MAOB: variants seen among roughly 807,000 people sequenced by gnomAD.
The protein encoded by MAOB is monoamine oxidase B, also known as amine oxidase [flavin-containing] B.
A neutral mutation model predicts 41.9 loss-of-function variants in MAOB; 15 were observed. The ratio of observed to expected loss-of-function variants is 0.36; its 90% CI spans 0.24 to 0.55. The LOEUF is 0.55. Among genes scored for constraint, MAOB ranks in the 20% least tolerant of loss-of-function variants. MAOB has a pLI of 0.86. For missense variants in MAOB, 345 were observed against 398.7 expected (o/e 0.87, Z 1.15); for synonymous variants, 167 against 144.2 (o/e 1.16, Z -1.13).
intron 1 of MAOB, among the ~76,000 whole-genome samples, chrX:43,869,635 C>A (rs922422032): frequency 1.8e-5 from 2 of 111,955 alleles, no homozygotes; most frequent in African/African-American, 3.2e-5. Context: ...GTTGTAAAAC[C>A]AATAGCAGAT....
Position 43,766,810 on chromosome X carries a change from A to C in MAOB, c.*656T>G, listed in dbSNP as rs2034117717. ...TTTGAGAAGTGTAAGACAACTTAGC[A>C]CAGAGTAAACCCACACAACGGGACA... On this transcript the variant is annotated 3_prime_UTR_variant, in exon 15 of 15. Transcript: ENST00000378069. 2 of 112,034 alleles carry C rather than the reference A, an allele frequency of 1.8e-5. No homozygotes were observed. The highest frequency in any genetic ancestry group is 3.2e-5 in the African/African-American group (1 of 30,816). The allele number at this position is 112,034 out of a possible 1,213,427, so 9.2% of individuals were successfully genotyped here. A position where few individuals can be genotyped will look rare whatever the true frequency, so the allele number is the denominator to read the frequency against.
At chrX:43,803,984 G>A (rs1309376582) in intron 3 of MAOB, among the ~76,000 whole-genome samples, 1 of 111,455 alleles carries the variant, frequency 9.0e-6, no homozygotes, top group African/African-American at 3.3e-5. Context: ...TTCTAGACAT[G>A]TTATACCACC....
At chrX:43,832,249 C>T (rs1367860697) in intron 3 of MAOB, among the ~76,000 whole-genome samples, 1 of 112,223 alleles carries the variant, frequency 8.9e-6, no homozygotes, top group African/African-American at 3.2e-5. Context: ...TCATCAAGTA[C>T]AATCATCTGG....
chrX:43,818,462 G>T (rs1260549957), intron 3 of MAOB, among the ~76,000 whole-genome samples: 1 of 112,094 alleles, frequency 8.9e-6, no homozygotes, highest in Non-Finnish European at 1.9e-5. Context: ...CCCAGCTCCT[G>T]CTTCCTCTCA....
intron 1 of MAOB, among the ~76,000 whole-genome samples, chrX:43,852,833 A>G (rs780234501): frequency 6.3e-5 from 7 of 111,532 alleles, no homozygotes; most frequent in African/African-American, 2.3e-4. Flanking sequence ...TGTGGCTAAA[A>G]CTGGTGGTGG....
chrX:43,803,945 C>A (rs958527733), intron 3 of MAOB, among the ~76,000 whole-genome samples: 2 of 111,507 alleles, frequency 1.8e-5, no homozygotes, highest in Admixed American at 1.9e-4. Flanking sequence ...AAAGTCAAAG[C>A]AGAAAGATTA....
chrX:43,792,833 T>C (rs903891087), intron 8 of MAOB, among the ~76,000 whole-genome samples: 22 of 111,793 alleles, frequency 2.0e-4, no homozygotes, highest in African/African-American at 6.8e-4. Context: ...ATTAGGTATA[T>C]ACCCAAAGGA....
chrX:43,770,237 A>C (rs2034165498), intron 12 of MAOB, among the ~76,000 whole-genome samples: 2 of 111,124 alleles, frequency 1.8e-5, no homozygotes, highest in Non-Finnish European at 3.8e-5. Context: ...CTGATTCCCA[A>C]GCTCCAACTT....
intron 1 of MAOB, among the ~76,000 whole-genome samples, chrX:43,857,149 AGAGAGAGAGAGAGAGAAG>A (rs2035301229): frequency 1.6e-5 from 1 of 63,350 alleles, no homozygotes; most frequent in African/African-American, 6.7e-5. Flanking sequence ...AGAGAGAGAG[AGAGAGAGAGAGAGAGAAG>A]AAGAGAGAGA....
At chrX:43,830,718 A>T (rs764279409) in intron 3 of MAOB, among the ~76,000 whole-genome samples, 1 of 111,905 alleles carries the variant, frequency 8.9e-6, no homozygotes, top group Non-Finnish European at 1.9e-5. Context: ...TTACATTCTT[A>T]CTTGCTACTA....
At chrX:43,875,469 T>C (rs1362819873) in intron 1 of MAOB, among the ~76,000 whole-genome samples, 1 of 112,096 alleles carries the variant, frequency 8.9e-6, no homozygotes, top group Non-Finnish European at 1.9e-5. Flanking sequence ...TTTATACCAT[T>C]ATGGCCTCCT....
chrX:43,783,884 C>G (rs1163426786), intron 8 of MAOB, among the ~76,000 whole-genome samples: 1 of 112,195 alleles, frequency 8.9e-6, no homozygotes, highest in Non-Finnish European at 1.9e-5. Flanking sequence ...CCTCTCCAAC[C>G]CTGTCACTGC....
chrX:43,850,535 A>C (rs905791028), intron 1 of MAOB: 2 of 652,687 alleles, frequency 3.1e-6, no homozygotes, highest in African/African-American at 4.9e-5. Flanking sequence ...GAAAATCTAA[A>C]CAACACGTGA....
Position 43,778,726 on chromosome X carries a change from A to G in MAOB, c.1093T>C (p.Cys365Arg). 8.3e-7 allele frequency: 1 copy of G among 1,204,898 alleles called. No individual in the cohort carries two copies. Among genetic ancestry groups the G allele is most frequent in the Non-Finnish European group, 1.1e-6 (1 of 890,611 alleles). Residue 365 changes from cysteine (C) to arginine (R), a missense_variant, in exon 11 of 15, where the codon TGT becomes CGT. Cys to Arg is a radical substitution (Grantham distance 180). Coordinates refer to ENST00000378069, the MANE Select transcript of MAOB (RefSeq NM_000898.5). ...CCCAGAACCTTGGCATAGAGTTCAC[A>G]AAGTTTCTTCAACCTGTGAATGAAA... The part of the protein sequence containing the change: ...LTKEERLKKL[C>R]ELYAKVLGSL...
chrX:43,799,457 G>T (rs182852591), intron 5 of MAOB, among the ~76,000 whole-genome samples: 174 of 111,525 alleles, frequency 1.6e-3, no homozygotes, highest in African/African-American at 4.9e-3. Flanking sequence ...TGGCCCAGCT[G>T]GAGAGCCAAT....
intron 1 of MAOB, among the ~76,000 whole-genome samples, chrX:43,857,168 AAGAG>A (rs769153460): frequency 2.0e-3 from 49 of 24,850 alleles, no homozygotes; most frequent in Non-Finnish European, 2.5e-3. Flanking sequence ...GAGAGAGAAG[AAGAG>A]AGAGAGAGAG....
chrX:43,831,815 T>A (rs1254285105), intron 3 of MAOB, among the ~76,000 whole-genome samples: 1 of 111,439 alleles, frequency 9.0e-6, no homozygotes. Flanking sequence ...ATTTATTAAC[T>A]ATTAATTTTG....
intron 3 of MAOB, among the ~76,000 whole-genome samples, chrX:43,836,889 T>C (rs999133292): frequency 8.9e-6 from 1 of 112,537 alleles, no homozygotes; most frequent in Non-Finnish European, 1.9e-5. Flanking sequence ...TAACTGCACA[T>C]AGAGTAATGG....
chrX:43,839,189 T>A (rs2035104714), intron 2 of MAOB, among the ~76,000 whole-genome samples, 184 bp from the exon 3 acceptor site: 1 of 112,276 alleles, frequency 8.9e-6, no homozygotes, highest in African/African-American at 3.2e-5. Flanking sequence ...ATTAAATCAA[T>A]CTTTAAAGCA....
Sources: allele counts gnomAD v4.1 joint callset (sites outside exome capture counted in the v4.1 genomes callset), GRCh38; gene constraint gnomAD v4.1.1; transcripts MANE v1.5; gene names NCBI Gene and HGNC (gene_info 2026-07-23, HGNC 2026-07-21).